Variants in CPAP observed in about 807,000 individuals in gnomAD.
CPAP encodes the protein centrosome assembly and centriole elongation protein.
chr13:24,886,233 A>G, the CPAP span: 1 of 1,049,344 alleles, frequency 9.5e-7, no homozygotes, highest in Non-Finnish European at 1.3e-6. Flanking sequence ...TAAACACTCA[A>G]CTTGGAAGGG....
the CPAP span, chr13:24,882,876 T>G: frequency 4.0e-5 from 13 of 322,886 alleles, no homozygotes; most frequent in Admixed American, 1.5e-4. Context: ...ACTTCTTGGT[T>G]TTTTTTTATA....
At chr13:24,905,261 T>C in the CPAP span, 3 of 1,289,468 alleles carry the variant, frequency 2.3e-6, no homozygotes, top group Non-Finnish European at 3.3e-6. Flanking sequence ...ATAAGGAAAG[T>C]TAGGATTTTA....
the CPAP span, among the ~76,000 whole-genome samples, chr13:24,891,252 T>C: frequency 2.0e-5 from 3 of 152,026 alleles, no homozygotes; most frequent in Non-Finnish European, 4.4e-5. Context: ...GGCCTCCTGC[T>C]CTCTAGCTGC....
At chr13:24,883,976 C>T in the CPAP span, 1 of 1,614,146 alleles carries the variant, frequency 6.2e-7, no homozygotes, top group Admixed American at 1.7e-5. Flanking sequence ...TGTACTCTGA[C>T]AATTGTACCA....
chr13:24,897,908 G>A, the CPAP span, among the ~76,000 whole-genome samples: 35 of 152,116 alleles, frequency 2.3e-4, 1 homozygote, highest in Admixed American at 1.4e-3. Flanking sequence ...ATTGTCCCCC[G>A]CCCCGTGGAC....
the CPAP span, chr13:24,912,567 C>T: frequency 1.2e-6 from 2 of 1,602,018 alleles, 1 homozygote; most frequent in Middle Eastern, 3.3e-4. Context: ...CACAGTAGGC[C>T]AAATCCTATT....
At chr13:24,908,096 G>A in the CPAP span, 1 of 1,612,678 alleles carries the variant, frequency 6.2e-7, no homozygotes, top group Non-Finnish European at 8.5e-7. Context: ...AATCTGTTCT[G>A]TCACTTTCTC....
At chr13:24,908,004 A>G in the CPAP span, 86 of 1,539,542 alleles carry the variant, frequency 5.6e-5, no homozygotes, top group Non-Finnish European at 7.4e-5. Context: ...TCTCACTTTC[A>G]ACACGAACAA....
chr13:24,899,613 A>C, the CPAP span: 1 of 1,589,274 alleles, frequency 6.3e-7, no homozygotes, highest in Non-Finnish European at 8.6e-7. Context: ...GTTATCACCT[A>C]AGGAGACCAT....
the CPAP span, among the ~76,000 whole-genome samples, chr13:24,924,156 T>G: frequency 6.6e-6 from 1 of 152,256 alleles, no homozygotes; most frequent in East Asian, 1.9e-4. Context: ...TAATTTTCAC[T>G]GTGGGTGAGG....
the CPAP span, among the ~76,000 whole-genome samples, chr13:24,921,606 C>T: frequency 2.0e-5 from 3 of 147,286 alleles, no homozygotes; most frequent in Non-Finnish European, 4.5e-5. Flanking sequence ...CAGTAGGAAA[C>T]CAATCTAAAA....
chr13:24,923,805 C>T, the CPAP span, among the ~76,000 whole-genome samples: 1 of 152,078 alleles, frequency 6.6e-6, no homozygotes, highest in Non-Finnish European at 1.5e-5. Context: ...GGTTTTGCTT[C>T]TTTTTTCAAT....
the CPAP span, chr13:24,885,851 A>G: frequency 1.7e-6 from 1 of 599,010 alleles, no homozygotes; most frequent in Non-Finnish European, 3.0e-6. Context: ...TAAGTCCTAG[A>G]TGTCCAAGAA....
At chr13:24,918,379 C>A in the CPAP span, among the ~76,000 whole-genome samples, 8 of 152,086 alleles carry the variant, frequency 5.3e-5, no homozygotes, top group East Asian at 1.3e-3. Context: ...AATAAAAAAA[C>A]AAATTGATAT....
the CPAP span, chr13:24,882,303 TATTC>T: frequency 6.6e-6 from 1 of 151,630 alleles, no homozygotes; most frequent in African/African-American, 2.4e-5. Context: ...TTATTTTTCA[TATTC>T]AGTTAAGTCA....
the CPAP span, chr13:24,906,804 G>C: frequency 1.2e-6 from 2 of 1,614,186 alleles, no homozygotes; most frequent in Admixed American, 1.7e-5. Flanking sequence ...ATTTTAAACA[G>C]CGGCTGGTCC....
the CPAP span, chr13:24,889,060 T>C: frequency 2.1e-6 from 1 of 466,002 alleles, no homozygotes; most frequent in Non-Finnish European, 3.9e-6. Flanking sequence ...AGTTTCAGAT[T>C]TGGGATGCTC....
At chr13:24,896,819 C>A in the CPAP span, among the ~76,000 whole-genome samples, 1 of 152,080 alleles carries the variant, frequency 6.6e-6, no homozygotes, top group African/African-American at 2.4e-5. Flanking sequence ...ATCTCTAATC[C>A]TAGGAGATCC....
At chr13:24,911,573 T>C in the CPAP span, among the ~76,000 whole-genome samples, 13 of 152,098 alleles carry the variant, frequency 8.5e-5, no homozygotes, top group Admixed American at 7.2e-4. Context: ...CTCACTCTGT[T>C]GCCCGGCTGG....
Sources: gnomAD v4.1 joint callset for allele counts (sites outside exome capture counted in the v4.1 genomes callset) on GRCh38, gnomAD v4.1.1 for gene constraint, MANE v1.5 for transcripts, NCBI Gene and HGNC (gene_info 2026-07-23, HGNC 2026-07-21) for gene names.